The following DAB2 variants were observed in gnomAD, a reference collection of about 807,000 sequenced individuals.
The protein encoded by DAB2 is DAB adaptor protein 2, also known as disabled homolog 2.
A neutral mutation model predicts 71.6 loss-of-function variants in DAB2; 28 were observed. That is an observed-to-expected ratio of 0.39 (90% CI 0.29 to 0.54). The LOEUF (loss-of-function observed/expected upper bound fraction) is 0.54, where lower values mean the gene tolerates loss of function less well. Among genes scored for constraint, DAB2 ranks in the 20% least tolerant of loss-of-function variants. The pLI, the probability that DAB2 is intolerant of heterozygous loss-of-function variation, is 0.68. For synonymous variants in DAB2, 345 were observed against 339.7 expected, an observed-to-expected ratio of 1.02 and a Z score of -0.17; for missense variants, 867 against 928.8, an observed-to-expected ratio of 0.93 and a Z score of 0.86.
At chr5:39,409,930 C>T (rs1292774249) in intron 1 of DAB2, among the ~76,000 whole-genome samples, 1 of 152,180 alleles carries the variant, frequency 6.6e-6, no homozygotes, top group Non-Finnish European at 1.5e-5. Context: ...ATAGCTCACA[C>T]ATCTTCTTTC....
intron 9 of DAB2, among the ~76,000 whole-genome samples, chr5:39,386,622 T>C (rs1290595313): frequency 2.0e-5 from 3 of 152,194 alleles, no homozygotes; most frequent in African/African-American, 7.2e-5. Flanking sequence ...CTTCATAAAG[T>C]CTAATAAAAA....
chr5:39,400,498 C>A (rs970653386), intron 1 of DAB2, among the ~76,000 whole-genome samples: 41 of 152,142 alleles, frequency 2.7e-4, no homozygotes, highest in Non-Finnish European at 4.3e-4. Flanking sequence ...TCCCAGAGTG[C>A]TGGGATTATA....
At chr5:39,413,682 T>C (rs184779830) in intron 1 of DAB2, among the ~76,000 whole-genome samples, 100 of 152,314 alleles carry the variant, frequency 6.6e-4, no homozygotes, top group Admixed American at 3.4e-3. Flanking sequence ...AAATGCTCAT[T>C]AAGAAGGGCA....
intron 11 of DAB2, among the ~76,000 whole-genome samples, chr5:39,377,605 T>A (rs1472260640): frequency 6.6e-6 from 1 of 152,208 alleles, no homozygotes; most frequent in Non-Finnish European, 1.5e-5. Flanking sequence ...AGACACTAGT[T>A]GTCTGATACA....
At chr5:39,424,072 A>G (rs947949997) in intron 1 of DAB2, among the ~76,000 whole-genome samples, 1 of 152,154 alleles carries the variant, frequency 6.6e-6, no homozygotes, top group Non-Finnish European at 1.5e-5. Context: ...GCAGAAACAA[A>G]TAACAGAGTC....
chr5:39,407,123 A>G (rs1050358412), intron 1 of DAB2, among the ~76,000 whole-genome samples: 9 of 152,234 alleles, frequency 5.9e-5, no homozygotes, highest in Admixed American at 3.3e-4. Context: ...AAACTGACCC[A>G]GCAAATGTTT....
rs780725881 is a variant in DAB2, at chr5:39,375,999, A to G, written c.2245T>C (p.Ser749Pro). The G allele has an allele frequency of 6.2e-7, 1 of 1,611,458 alleles. No individual in the cohort carries two copies. Among genetic ancestry groups the G allele is most frequent in the East Asian group, 2.2e-5 (1 of 44,860 alleles). ...AGCTTCTAGTAGTTCATACTTACAG[A>G]GGCTTGTGATGAACCAAAAGAATCT... ...FKDSFGSSQASVASSQPVSSE... is the reference protein window; with the variant it reads ...FKDSFGSSQAPVASSQPVSSE... The change falls in exon 13 of 15, where the codon TCT (serine) becomes CCT (proline). Residue 749 changes from serine to proline, a missense_variant and splice_region_variant. Ser to Pro is a moderately conservative substitution (Grantham distance 74, BLOSUM62 -1). Coordinates refer to ENST00000320816, the MANE Select transcript of DAB2 (RefSeq NM_001343.4).
chr5:39,398,229 A>G (rs1310683295), intron 1 of DAB2, among the ~76,000 whole-genome samples: 1 of 152,196 alleles, frequency 6.6e-6, no homozygotes, highest in Non-Finnish European at 1.5e-5. Flanking sequence ...GGGGGAGGGA[A>G]CGGTGGCATC....
At position 39,383,167 on chromosome 5, in the gene DAB2, A is replaced by C; in HGVS notation, c.792T>G (p.Ser264=). ...ATGCCTGAGGCGTTGGTCGAGGAAGAGAACAGGAGGTGATGCCGTTTGTTA... is the reference window on the plus strand; with the variant it reads ...ATGCCTGAGGCGTTGGTCGAGGAAGCGAACAGGAGGTGATGCCGTTTGTTA... ...PFLTNGITSC[S]LPRPTPQASF... is the part of the protein sequence containing the mutation. The change falls in exon 10 of 15, where the codon TCT becomes TCG. Residue 264 remains serine, a synonymous_variant. Transcript: ENST00000320816. The C allele has an allele frequency of 6.2e-7, 1 of 1,614,196 alleles. No homozygotes were observed. Among genetic ancestry groups the C allele is most frequent in the Non-Finnish European group, 8.5e-7 (1 of 1,180,026 alleles).
At chr5:39,382,213 T>G (rs1405743866) in intron 10 of DAB2, among the ~76,000 whole-genome samples, 1 of 152,178 alleles carries the variant, frequency 6.6e-6, no homozygotes, top group African/African-American at 2.4e-5. Context: ...ACCACCACCA[T>G]GGACACTGAT....
intron 1 of DAB2, among the ~76,000 whole-genome samples, chr5:39,413,720 T>C (rs1755782274): frequency 6.6e-6 from 1 of 152,326 alleles, no homozygotes; most frequent in East Asian, 1.9e-4. Flanking sequence ...AGATTTCTGC[T>C]TCTTATACAT....
chr5:39,375,001 AT>A lies in DAB2; in HGVS notation c.*5+12del. On this transcript the variant is annotated intron_variant, in intron 14 of 14. Transcript: ENST00000320816. ...AAACCCCTGAGACAGGCTTATTAGGATCTTCTACTTACAGAATTTAGGCAAA... is the reference window on the plus strand; with the variant it reads ...AAACCCCTGAGACAGGCTTATTAGGACTTCTACTTACAGAATTTAGGCAAA... 1 of 1,558,974 alleles carries A rather than the reference AT, an allele frequency of 6.4e-7. No individual in the cohort carries two copies. Among genetic ancestry groups the A allele is most frequent in the Non-Finnish European group, 8.8e-7 (1 of 1,131,306 alleles).
At chr5:39,407,176 T>C (rs1301301532) in intron 1 of DAB2, among the ~76,000 whole-genome samples, 1 of 152,212 alleles carries the variant, frequency 6.6e-6, no homozygotes. Flanking sequence ...GTTAGATATT[T>C]CTACCAAAAA....
chr5:39,405,652 G>A (rs3842975), intron 1 of DAB2, among the ~76,000 whole-genome samples: 148,599 of 152,340 alleles, frequency 0.98, 72,879 homozygotes, highest in Non-Finnish European at 1. Flanking sequence ...ATGCTGCAAC[G>A]TAGCTTTTGC....
chr5:39,416,515 A>G (rs1755849514), intron 1 of DAB2, among the ~76,000 whole-genome samples: 2 of 152,120 alleles, frequency 1.3e-5, no homozygotes, highest in South Asian at 2.1e-4. Flanking sequence ...ATACATATAC[A>G]TGGCCACCTG....
intron 4 of DAB2, among the ~76,000 whole-genome samples, chr5:39,391,173 A>G (rs1755218320): frequency 2.0e-5 from 3 of 152,200 alleles, no homozygotes. Context: ...TGACTACATC[A>G]GTAACCAGGA....
chr5:39,388,150 G>A (rs1755140508), intron 9 of DAB2, 155 bp downstream of exon 9: 2 of 622,982 alleles, frequency 3.2e-6, no homozygotes, highest in Non-Finnish European at 2.9e-6. Flanking sequence ...GGTGACTTAA[G>A]ATTCACATTT....
rs760427986 is a variant in DAB2 at position 39,382,730 on chromosome 5, T to C, written c.1229A>G (p.Asn410Ser). The C allele has an allele frequency of 1.2e-6, 2 of 1,614,190 alleles. No individual in the cohort carries two copies. Among genetic ancestry groups the C allele is most frequent in the East Asian group, 4.5e-5 (2 of 44,878 alleles). The change falls in exon 10 of 15, where the codon AAT becomes AGT. Residue 410 changes from asparagine (N) to serine (S), a missense_variant. Physicochemically the swap from Asn to Ser is conservative, Grantham distance 46. Around this residue, in one of 2 missense-constraint regions of DAB2, gnomAD observed 740 missense variants for 734.3 expected, o/e 1.01. Coordinates refer to ENST00000320816, the MANE Select transcript of DAB2 (RefSeq NM_001343.4). ...GSPPKGLSIQNGVKQDLESSV... is the reference protein window; with the variant it reads ...GSPPKGLSIQSGVKQDLESSV... ...GCTTTCCAAGTCCTGCTTTACGCCA[T>C]TCTGTATGGACAGTCCTTTGGGAGG...
intron 1 of DAB2, chr5:39,408,256 C>G (rs957392433): frequency 2.6e-5 from 4 of 152,160 alleles, no homozygotes; most frequent in African/African-American, 9.7e-5. Context: ...GTATAGAGAG[C>G]AAAACCATGA....
Sources: allele counts gnomAD v4.1 joint callset (sites outside exome capture counted in the v4.1 genomes callset), GRCh38; gene constraint gnomAD v4.1.1; regional missense constraint gnomAD v4.1.1; transcripts MANE v1.5; gene names NCBI Gene and HGNC (gene_info 2026-07-23, HGNC 2026-07-21).